Variants in MRPL32 observed in about 807,000 individuals in gnomAD.
MRPL32 encodes the protein mitochondrial ribosomal protein L32.
MRPL32 carries 14 observed loss-of-function variants against 21.7 expected under a neutral mutation model. That is an observed-to-expected ratio of 0.64 (90% CI 0.43 to 1.01). The LOEUF (loss-of-function observed/expected upper bound fraction) is 1.01. MRPL32 is among the 50% of genes least tolerant of loss of function. The pLI is 0.00. For synonymous variants in MRPL32, 83 were observed against 87.7 expected, an observed-to-expected ratio of 0.95 and a Z score of 0.30; for missense variants, 211 against 235.9, an observed-to-expected ratio of 0.89 and a Z score of 0.69.
intron 2 of MRPL32, chr7:42,936,238 C>A (rs1211670767): frequency 6.6e-6 from 1 of 152,162 alleles, no homozygotes; most frequent in Non-Finnish European, 1.5e-5. Flanking sequence ...ATGTGACTTC[C>A]CTGATCGCAT....
intron 2 of MRPL32, 27 bp downstream of exon 2, chr7:42,935,163 C>G: frequency 6.3e-7 from 1 of 1,589,464 alleles, no homozygotes; most frequent in Admixed American, 1.8e-5. Flanking sequence ...TGTGGGTGTG[C>G]TTTTCCTCAA....
At position 42,932,533 on chromosome 7, in the gene MRPL32, TC is replaced by T; in HGVS notation, c.130+19del. The T allele has an allele frequency of 6.3e-7, 1 of 1,583,032 alleles. No individual in the cohort carries two copies. Among genetic ancestry groups the T allele is most frequent in the Middle Eastern group, 1.7e-4 (1 of 5,882 alleles). On this transcript the variant is annotated intron_variant, in intron 1 of 2. Coordinates refer to ENST00000223324, the MANE Select transcript of MRPL32 (RefSeq NM_031903.3). The stretch of plus-strand genomic sequence containing the variant: ...CTCCGTGGGGTAGGTAAAGAAGGGC[TC>T]CGTGGGAGAGGGGGCTGATGACGGG...
chr7:42,934,038 G>A (rs1783773184), intron 1 of MRPL32, among the ~76,000 whole-genome samples: 2 of 152,170 alleles, frequency 1.3e-5, no homozygotes, highest in South Asian at 4.1e-4. Context: ...GGAGGCCAAG[G>A]TGGGTCCATC....
chr7:42,932,971 T>G (rs1161612713), intron 1 of MRPL32, among the ~76,000 whole-genome samples: 1 of 151,966 alleles, frequency 6.6e-6, no homozygotes, highest in East Asian at 1.9e-4. Context: ...GCAAATGTGA[T>G]TAGCCGGCTG....
At chr7:42,933,533 A>G (rs1483235164) in intron 1 of MRPL32, among the ~76,000 whole-genome samples, 1 of 130,672 alleles carries the variant, frequency 7.7e-6, no homozygotes, top group East Asian at 2.3e-4. Flanking sequence ...CCTCCCGCGC[A>G]GTACATGTTT....
At chr7:42,934,199 C>T (rs1456654533) in intron 1 of MRPL32, among the ~76,000 whole-genome samples, 4 of 148,274 alleles carry the variant, frequency 2.7e-5, no homozygotes, top group African/African-American at 7.5e-5. Flanking sequence ...ACCAGGGAGG[C>T]GGAGGTTGCA....
chr7:42,934,128 C>A (rs887145104), intron 1 of MRPL32, among the ~76,000 whole-genome samples: 2 of 151,722 alleles, frequency 1.3e-5, no homozygotes, highest in South Asian at 4.2e-4. Context: ...ATTAACCAGG[C>A]GTGGTGGTGC....
At position 42,937,334 on chromosome 7, in the gene MRPL32, G is replaced by A. The variant is rs139835970; in HGVS notation, c.325G>A (p.Val109Ile). 1.4e-5 allele frequency: 22 copies of A among 1,614,148 alleles called. No individual in the cohort carries two copies. Among genetic ancestry groups the A allele is most frequent in the East Asian group, 6.7e-5 (3 of 44,890 alleles). The change falls in exon 3 of 3, where the codon GTT (valine) becomes ATT (isoleucine). Residue 109 changes from valine to isoleucine, a missense_variant. Physicochemically the swap from Val to Ile is conservative, Grantham distance 29. Around this residue, in one of 2 missense-constraint regions of MRPL32, gnomAD observed 130 missense variants for 180.1 expected, o/e 0.72. Coordinates refer to ENST00000223324, the MANE Select transcript of MRPL32 (RefSeq NM_031903.3). ...TATTGTTTTAAAGAACAACATAGAC[G>A]TTTGTCCTGAATGTGGTCACCTGAA... The part of the protein sequence containing the change: ...KLIKVKNNID[V>I]CPECGHLKQK...
chr7:42,937,492 G>A lies in MRPL32; in HGVS notation c.483G>A (p.Thr161=), dbSNP rs631132. The change falls in exon 3 of 3, where the codon ACG becomes ACA. Residue 161 remains threonine (T), a synonymous_variant. Coordinates refer to ENST00000223324, the MANE Select transcript of MRPL32 (RefSeq NM_031903.3). ...CCATAGAGACTGTGGTGCTGTACAC[G>A]GGAGAGACACCGTCTGAACAAGATC... is the stretch of plus-strand genomic sequence containing the variant. The part of the protein sequence containing the change: ...APTIETVVLY[T]GETPSEQDQG... 0.87 allele frequency: 1,401,023 copies of A among 1,613,794 alleles called. 609,076 individuals carry two copies. The highest frequency in any genetic ancestry group is 0.91 in the South Asian group (82,954 of 91,078).
intron 1 of MRPL32, among the ~76,000 whole-genome samples, chr7:42,932,955 G>A (rs1347333699): frequency 1.3e-5 from 2 of 152,068 alleles, no homozygotes; most frequent in Admixed American, 6.6e-5. Flanking sequence ...GTATAGTGAA[G>A]TCAGTGCAAA....
At chr7:42,932,887 T>G (rs948250142) in intron 1 of MRPL32, among the ~76,000 whole-genome samples, 2 of 151,968 alleles carry the variant, frequency 1.3e-5, no homozygotes, top group Non-Finnish European at 2.9e-5. Context: ...TTTGGGCGTT[T>G]TAAAGGGAGA....
At chr7:42,933,330 T>A (rs1240179453) in intron 1 of MRPL32, among the ~76,000 whole-genome samples, 1 of 152,098 alleles carries the variant, frequency 6.6e-6, no homozygotes, top group African/African-American at 2.4e-5. Flanking sequence ...TTTGGTCAAG[T>A]CTGTGGAGTT....
rs1583611620 is a variant in MRPL32 at position 42,932,383 on chromosome 7, G to A, written c.-4G>A. ...GGGACCGGGGCGGTCTTCCAGCAGG[G>A]AAAATGGCGCTGGCCATGCTGGTCT... On this transcript the variant is annotated 5_prime_UTR_variant, in exon 1 of 3. Transcript: ENST00000223324. 6.2e-7 allele frequency: 1 copy of A among 1,607,130 alleles called. No homozygotes were observed. Among genetic ancestry groups the A allele is most frequent in the Non-Finnish European group, 8.5e-7 (1 of 1,175,604 alleles).
rs892286537 is a variant in MRPL32, at chr7:42,937,547, A to T, written c.538A>T (p.Lys180Ter). 2 of 1,612,616 alleles carry T rather than the reference A, an allele frequency of 1.2e-6. No individual in the cohort carries two copies. Among genetic ancestry groups the T allele is most frequent in the Admixed American group, 1.7e-5 (1 of 59,912 alleles). The part of the protein sequence containing the change: ...QGKRIIERDR[K>*]RPSWFTQN ...CAAGAGGATCATTGAACGAGACAGA[A>T]AGCGACCATCCTGGTTCACCCAGAA... Residue 180 changes from lysine (K) to a stop codon, truncating the protein, a stop_gained, in exon 3 of 3, where the codon AAG becomes TAG. Coordinates refer to ENST00000223324, the MANE Select transcript of MRPL32 (RefSeq NM_031903.3). LOFTEE classifies it high-confidence loss of function.
In MRPL32 at chr7:42,937,311, T is replaced by C; in HGVS notation, c.313-11T>C. 1 of 1,613,024 alleles carries C rather than the reference T, an allele frequency of 6.2e-7. No individual in the cohort carries two copies. The highest frequency in any genetic ancestry group is 8.5e-7 in the Non-Finnish European group (1 of 1,179,158). On this transcript the variant is annotated splice_polypyrimidine_tract_variant and intron_variant, in intron 2 of 2. Transcript: ENST00000223324. The stretch of plus-strand genomic sequence containing the variant: ...TCATGTTAAAATACGTTTTTGTTTA[T>C]TGTTTTAAAGAACAACATAGACGTT...
rs749843911 is a variant in MRPL32 at position 42,932,417 on chromosome 7, T to G, written c.31T>G (p.Ser11Ala). 6.2e-7 allele frequency: 1 copy of G among 1,609,550 alleles called. No individual in the cohort carries two copies. The highest frequency in any genetic ancestry group is 8.5e-7 in the Non-Finnish European group (1 of 1,177,594). Residue 11 changes from serine (S) to alanine (A), a missense_variant, in exon 1 of 3, where the codon TCG becomes GCG. Transcript: ENST00000223324. ...GCTGGCCATGCTGGTCTTGGTGGTT[T>G]CGCCGTGGTCTGCGGCCCGGGGAGT... The part of the protein sequence containing the change: MALAMLVLVV[S>A]PWSAARGVLR...
chr7:42,936,847 C>T (rs1786435191), intron 2 of MRPL32: 1 of 247,178 alleles, frequency 4.0e-6, no homozygotes, highest in Admixed American at 5.1e-5. Context: ...ATTTGAATTA[C>T]ACTGTGATAA....
At chr7:42,932,688 G>C (rs1203317793) in intron 1 of MRPL32, among the ~76,000 whole-genome samples, 172 bp downstream of exon 1, 2 of 108,202 alleles carry the variant, frequency 1.8e-5, no homozygotes, top group Non-Finnish European at 3.8e-5. Context: ...CTGTTTTTGC[G>C]CTCCCTCCAC....
intron 1 of MRPL32, among the ~76,000 whole-genome samples, chr7:42,933,624 G>A (rs1786369760): frequency 6.6e-6 from 1 of 152,050 alleles, no homozygotes; most frequent in African/African-American, 2.4e-5. Context: ...AAGTATCTTG[G>A]ATGTTGAAAC....
Sources: allele counts gnomAD v4.1 joint callset (sites outside exome capture counted in the v4.1 genomes callset), GRCh38; gene constraint gnomAD v4.1.1; regional missense constraint gnomAD v4.1.1; transcripts MANE v1.5; gene names NCBI Gene and HGNC (gene_info 2026-07-23, HGNC 2026-07-21).